The following SMAD6 variants were observed in gnomAD, a reference collection of about 807,000 sequenced individuals.
SMAD6 encodes SMAD family member 6, also known as MAD homolog 6.
SMAD6 carries 103 observed loss-of-function variants against 39.4 expected under a neutral mutation model. That is an observed-to-expected ratio of 2.62 (90% confidence interval 2.23 to 3.08). The LOEUF (loss-of-function observed/expected upper bound fraction) is 3.08, where lower values mean the gene tolerates loss of function less well. SMAD6 is among the 30% of genes most tolerant of loss of function. The pLI is 0.00. For synonymous variants in SMAD6, 445 were observed against 353.3 expected, an observed-to-expected ratio of 1.26 and a Z score of -2.91; for missense variants, 1,104 against 742.9, an observed-to-expected ratio of 1.49 and a Z score of -5.65.
In SMAD6 at chr15:66,781,111, T is replaced by A; in HGVS notation, c.1067T>A (p.Ile356Asn). ...GCGGTGTACGACCAGGCCGTCAGCA[T>A]CTTCTACGACCTACCTCAGGGCAGC... Reference protein sequence around the residue: ...LYAVYDQAVSIFYDLPQGSGF... With the variant: ...LYAVYDQAVSNFYDLPQGSGF... Residue 356 changes from isoleucine to asparagine, a missense_variant, in exon 4 of 4, where the codon ATC becomes AAC. Ile to Asn is a moderately radical substitution (Grantham distance 149, BLOSUM62 -3). Transcript: ENST00000288840. The A allele has an allele frequency of 6.2e-7, 1 of 1,609,050 alleles. No homozygotes were observed. The highest frequency in any genetic ancestry group is 8.5e-7 in the Non-Finnish European group (1 of 1,179,716).
intron 1 of SMAD6, chr15:66,705,172 A>AG (rs1893084010): frequency 1.3e-5 from 2 of 152,286 alleles, no homozygotes; most frequent in Admixed American, 1.3e-4. Context: ...GGGAGCACAG[A>AG]GAGGGTCAGG....
At chr15:66,749,015 C>A (rs766086533) in intron 3 of SMAD6, among the ~76,000 whole-genome samples, 1 of 151,906 alleles carries the variant, frequency 6.6e-6, no homozygotes, top group African/African-American at 2.4e-5. Context: ...TTCTGTTGTG[C>A]CTTCTTGGTT....
intron 3 of SMAD6, among the ~76,000 whole-genome samples, chr15:66,726,410 G>T (rs564095987): frequency 6.6e-6 from 1 of 152,208 alleles, no homozygotes; most frequent in Non-Finnish European, 1.5e-5. Flanking sequence ...GGGATTGTCT[G>T]TCTCAGGCCC....
chr15:66,749,609 A>G (rs1006575806), intron 3 of SMAD6, among the ~76,000 whole-genome samples: 2 of 150,794 alleles, frequency 1.3e-5, no homozygotes, highest in Non-Finnish European at 2.9e-5. Flanking sequence ...CAGAGATCCT[A>G]CCTCAAAAAA....
chr15:66,720,588 G>T (rs1893415219), intron 3 of SMAD6, among the ~76,000 whole-genome samples: 1 of 152,200 alleles, frequency 6.6e-6, no homozygotes, highest in African/African-American at 2.4e-5. Context: ...TTATTCTAGT[G>T]CCTGTAAGAT....
chr15:66,776,994 A>G (rs1235376903), intron 3 of SMAD6, among the ~76,000 whole-genome samples: 2 of 152,186 alleles, frequency 1.3e-5, no homozygotes, highest in Non-Finnish European at 2.9e-5. Flanking sequence ...CCATGACTGC[A>G]CCACAGTACT....
intron 3 of SMAD6, chr15:66,717,037 G>C: frequency 7.8e-7 from 1 of 1,289,434 alleles, no homozygotes; most frequent in Non-Finnish European, 1.0e-6. Flanking sequence ...GAAGCCGAGG[G>C]AACCGTGGTT....
rs1322032924 is a variant in SMAD6, at chr15:66,703,596, C to T, written c.338C>T (p.Pro113Leu). The T allele has an allele frequency of 7.3e-6, 9 of 1,227,838 alleles. No individual in the cohort carries two copies. In the South Asian group the frequency reaches 2.0e-4, roughly 28 times the overall value. 76.1% of individuals were successfully genotyped at this position (1,227,838 alleles called of 1,614,324 possible). ...SLLDVAEPGG[P>L]GWLPESDCET... Reference sequence around the variant, plus strand: ...CTGGACGTGGCGGAGCCGGGAGGCCCGGGCTGGCTGCCCGAGAGTGACTGC... The same window carrying T: ...CTGGACGTGGCGGAGCCGGGAGGCCTGGGCTGGCTGCCCGAGAGTGACTGC... Residue 113 changes from proline (P) to leucine (L), a missense_variant, in exon 1 of 4, where the codon CCG becomes CTG. Physicochemically the swap from Pro to Leu is moderately conservative, Grantham distance 98. Transcript: ENST00000288840.
At chr15:66,780,721 C>T (rs991302741) in intron 3 of SMAD6, among the ~76,000 whole-genome samples, 10 of 152,202 alleles carry the variant, frequency 6.6e-5, no homozygotes, top group African/African-American at 2.4e-4. Flanking sequence ...TGTCTGCGTC[C>T]GCAGCATCTA....
At chr15:66,716,104 C>T (rs1426404863) in intron 2 of SMAD6, among the ~76,000 whole-genome samples, 1 of 152,184 alleles carries the variant, frequency 6.6e-6, no homozygotes, top group African/African-American at 2.4e-5. Context: ...TAACCTTACC[C>T]ACGGAGGCTC....
intron 3 of SMAD6, among the ~76,000 whole-genome samples, chr15:66,733,332 G>A (rs1893662352): frequency 6.6e-6 from 1 of 152,190 alleles, no homozygotes; most frequent in Admixed American, 6.5e-5. Context: ...TACAAAAAAG[G>A]CCTGCTAGGG....
At chr15:66,773,278 A>G (rs1316970722) in intron 3 of SMAD6, among the ~76,000 whole-genome samples, 4 of 152,166 alleles carry the variant, frequency 2.6e-5, no homozygotes, top group African/African-American at 9.7e-5. Context: ...AGCGTTTGGA[A>G]AGAGTTCAGC....
At chr15:66,750,163 A>G (rs1893978381) in intron 3 of SMAD6, among the ~76,000 whole-genome samples, 1 of 152,156 alleles carries the variant, frequency 6.6e-6, no homozygotes, top group African/African-American at 2.4e-5. Flanking sequence ...CTCTTTTTAC[A>G]GATAGATAGC....
intron 3 of SMAD6, among the ~76,000 whole-genome samples, chr15:66,734,194 G>T (rs1893675971): frequency 6.6e-6 from 1 of 152,248 alleles, no homozygotes; most frequent in South Asian, 2.1e-4. Context: ...ACATTTGGCT[G>T]TTTTCAGAGT....
At chr15:66,720,401 C>T (rs61219780) in intron 3 of SMAD6, among the ~76,000 whole-genome samples, 22,856 of 152,108 alleles carry the variant, frequency 0.15, 1,784 homozygotes, top group South Asian at 0.19. Flanking sequence ...GAGCTTTAAG[C>T]CCTGGGTGAG....
At chr15:66,735,225 T>C (rs537804092) in intron 3 of SMAD6, among the ~76,000 whole-genome samples, 1 of 152,368 alleles carries the variant, frequency 6.6e-6, no homozygotes, top group Admixed American at 6.5e-5. Flanking sequence ...AGTCCAGGGC[T>C]GGGTGGGAGC....
At chr15:66,725,246 T>C (rs1188401945) in intron 3 of SMAD6, among the ~76,000 whole-genome samples, 1 of 152,074 alleles carries the variant, frequency 6.6e-6, no homozygotes, top group African/African-American at 2.4e-5. Context: ...CAGTTGTCCT[T>C]TGTGGAAGGA....
chr15:66,714,112 C>T (rs750572376), intron 2 of SMAD6, among the ~76,000 whole-genome samples: 3 of 152,148 alleles, frequency 2.0e-5, no homozygotes, highest in Non-Finnish European at 2.9e-5. Context: ...CTCAAAAGTT[C>T]TTAGTGAAAG....
Position 66,751,422 on chromosome 15 carries a change from C to T in SMAD6, c.953-29575C>T, listed in dbSNP as rs563449154. On this transcript the variant is annotated intron_variant, in intron 3 of 3. Coordinates refer to ENST00000288840, the MANE Select transcript of SMAD6 (RefSeq NM_005585.5). ...GTTCAGGACTATTCATTCCCACTCC[C>T]TTCCCTTCCAGGCTGATAGTGCATG... Among the ~76,000 whole-genome samples the T allele has an allele frequency of 5.7e-4, 87 of 152,336 alleles. No homozygotes were observed. In the South Asian group the frequency reaches 0.011, roughly 20 times the overall value.
Sources: allele counts gnomAD v4.1 joint callset (sites outside exome capture counted in the v4.1 genomes callset), GRCh38; gene constraint gnomAD v4.1.1; transcripts MANE v1.5; gene names NCBI Gene and HGNC (gene_info 2026-07-23, HGNC 2026-07-21).